The following RARB variants were observed in gnomAD, a reference collection of about 807,000 sequenced individuals.
RARB encodes retinoic acid receptor beta, also known as HBV-activated protein.
In RARB, 17 loss-of-function variants were observed where a neutral mutation model predicts 51.9. The ratio of observed to expected loss-of-function variants is 0.33; its 90% CI spans 0.22 to 0.49. RARB has a LOEUF of 0.49. Among genes scored for constraint, RARB ranks in the 20% least tolerant of loss-of-function variants. The pLI is 0.99. For missense variants in RARB, 369 were observed against 550.8 expected (o/e 0.67, Z 3.30); for synonymous variants, 215 against 195.4 (o/e 1.10, Z -0.84).
At chr3:25,398,338 A>C (rs1426878701) in intron 5 of RARB, among the ~76,000 whole-genome samples, 3 of 152,186 alleles carry the variant, frequency 2.0e-5, no homozygotes, top group Non-Finnish European at 4.4e-5. Flanking sequence ...TTATCGATAA[A>C]AGTTACACTA....
intron 1 of RARB, among the ~76,000 whole-genome samples, chr3:25,460,726 G>T (rs1443691861): frequency 1.3e-5 from 2 of 152,172 alleles, no homozygotes; most frequent in Non-Finnish European, 2.9e-5. Context: ...AGGATTACAG[G>T]TGTGAGCTAC....
At chr3:25,037,146 G>T (rs539701795) in intron 2 of RARB, among the ~76,000 whole-genome samples, 1 of 152,272 alleles carries the variant, frequency 6.6e-6, no homozygotes, top group South Asian at 2.1e-4. Flanking sequence ...AGATTGTTTG[G>T]ACTGTAGAGT....
chr3:25,070,612 A>C (rs963234854), intron 3 of RARB, among the ~76,000 whole-genome samples: 12 of 152,242 alleles, frequency 7.9e-5, no homozygotes, highest in African/African-American at 2.7e-4. Context: ...AGTGATTAGT[A>C]ATAATAGTAG....
At chr3:24,955,330 CTT>C (rs1695989942) in intron 2 of RARB, among the ~76,000 whole-genome samples, 1 of 151,916 alleles carries the variant, frequency 6.6e-6, no homozygotes, top group Admixed American at 6.6e-5. Context: ...CCACTTGTCT[CTT>C]TGCCAGCTGA....
rs189067922 is a variant in RARB at position 25,514,862 on chromosome 3, T to C, written c.448+13539T>C. On this transcript the variant is annotated intron_variant, in intron 3 of 7. Transcript: ENST00000330688. ...AAGTGAAAGGTAATAAGTGAAGGAG[T>C]CCCACTTTATGTCCTGAAAGTGTCC... 3.9e-3 allele frequency among the ~76,000 whole-genome samples: 596 copies of C among 151,978 alleles called. 6 individuals are homozygous for C. The highest frequency in any genetic ancestry group is 0.013 in the South Asian group (61 of 4,808).
intron 3 of RARB, among the ~76,000 whole-genome samples, chr3:25,566,782 T>G (rs1700512299): frequency 6.6e-6 from 1 of 152,238 alleles, no homozygotes; most frequent in Non-Finnish European, 1.5e-5. Flanking sequence ...CAGACTTCCC[T>G]GTGGATGGGA....
At chr3:25,365,236 C>A (rs1379817361) in intron 5 of RARB, among the ~76,000 whole-genome samples, 2 of 103,488 alleles carry the variant, frequency 1.9e-5, no homozygotes, top group African/African-American at 7.8e-5. Context: ...TGGCTGGAGG[C>A]TCAAGGGATT....
At chr3:25,072,543 C>G (rs1048614649) in intron 3 of RARB, among the ~76,000 whole-genome samples, 1 of 152,080 alleles carries the variant, frequency 6.6e-6, no homozygotes, top group Non-Finnish European at 1.5e-5. Flanking sequence ...ACAAGATTCC[C>G]ATACTATTTT....
intron 1 of RARB, among the ~76,000 whole-genome samples, chr3:24,837,834 G>T (rs967955769): frequency 1.3e-5 from 2 of 152,170 alleles, no homozygotes; most frequent in Non-Finnish European, 2.9e-5. Flanking sequence ...ACTCATTAGG[G>T]TCACCAGTGG....
At chr3:25,193,924 A>G (rs555981352) in intron 5 of RARB, among the ~76,000 whole-genome samples, 2,509 of 151,978 alleles carry the variant, frequency 0.017, 50 homozygotes, top group African/African-American at 0.057. Flanking sequence ...TAGTAAGATG[A>G]TTATTTAGCT....
At chr3:25,460,013 A>G (rs1227917322) in intron 1 of RARB, among the ~76,000 whole-genome samples, 1 of 152,180 alleles carries the variant, frequency 6.6e-6, no homozygotes, top group Admixed American at 6.5e-5. Context: ...GTGAACTCCC[A>G]TTTCCCATGG....
At chr3:25,155,601 T>C (rs1559485552) in intron 4 of RARB, among the ~76,000 whole-genome samples, 1 of 152,238 alleles carries the variant, frequency 6.6e-6, no homozygotes, top group Non-Finnish European at 1.5e-5. Flanking sequence ...AGTAGGTGGA[T>C]TAAAAATATA....
chr3:25,109,407 T>TG (rs369901671), intron 3 of RARB, among the ~76,000 whole-genome samples: 197 of 152,240 alleles, frequency 1.3e-3, no homozygotes, highest in African/African-American at 4.6e-3. Flanking sequence ...TACTATGATC[T>TG]GGGGGGATCA....
intron 4 of RARB, among the ~76,000 whole-genome samples, chr3:25,155,593 T>G (rs975922463): frequency 6.6e-6 from 1 of 152,234 alleles, no homozygotes; most frequent in African/African-American, 2.4e-5. Flanking sequence ...GTTAATTAAG[T>G]AGGTGGATTA....
chr3:25,234,273 G>T (rs1702251661), intron 5 of RARB, among the ~76,000 whole-genome samples: 1 of 151,958 alleles, frequency 6.6e-6, no homozygotes, highest in Non-Finnish European at 1.5e-5. Context: ...ATTTCTTCTT[G>T]AGTGACTTTT....
At chr3:25,371,931 T>C (rs565214450) in intron 5 of RARB, among the ~76,000 whole-genome samples, 2 of 152,210 alleles carry the variant, frequency 1.3e-5, no homozygotes, top group African/African-American at 4.8e-5. Flanking sequence ...ACTGAGGAGA[T>C]GGATTTGACG....
intron 2 of RARB, among the ~76,000 whole-genome samples, chr3:24,964,355 CTT>C (rs1002235326): frequency 6.6e-6 from 1 of 151,940 alleles, no homozygotes; most frequent in Non-Finnish European, 1.5e-5. Flanking sequence ...GAAATATCCT[CTT>C]TTTTTTCTGT....
chr3:25,022,592 C>G (rs997747294), intron 2 of RARB, among the ~76,000 whole-genome samples: 13 of 152,202 alleles, frequency 8.5e-5, no homozygotes, highest in Non-Finnish European at 1.6e-4. Context: ...TACATGCTTA[C>G]TAGCCCTTGG....
At chr3:25,306,755 C>G (rs969738451) in intron 5 of RARB, among the ~76,000 whole-genome samples, 3 of 152,200 alleles carry the variant, frequency 2.0e-5, no homozygotes, top group Non-Finnish European at 2.9e-5. Flanking sequence ...GAAAGAATGT[C>G]TGCCGTTTCC....
Sources: gnomAD v4.1 joint callset for allele counts (sites outside exome capture counted in the v4.1 genomes callset) on GRCh38, gnomAD v4.1.1 for gene constraint, MANE v1.5 for transcripts, NCBI Gene and HGNC (gene_info 2026-07-23, HGNC 2026-07-21) for gene names.